The following GOT1L1 variants were observed in gnomAD, a reference collection of about 807,000 sequenced individuals.
GOT1L1 encodes the protein aspartate aminotransferase, cytoplasmic 2.
A neutral mutation model predicts 43.6 loss-of-function variants in GOT1L1; 38 were observed. The ratio of observed to expected loss-of-function variants is 0.87; its 90% confidence interval spans 0.67 to 1.14. GOT1L1 has a LOEUF of 1.14. Ranked by LOEUF, GOT1L1 falls within the 50% of genes most tolerant of loss-of-function variation. The pLI is 0.00. For synonymous variants in GOT1L1, 183 were observed against 187.2 expected (o/e 0.98, Z 0.18); for missense variants, 482 against 504.0 (o/e 0.96, Z 0.42).
At chr8:37,938,625 C>T (rs531833091) in intron 2 of GOT1L1, 75 bp downstream of exon 2, 8 of 1,372,816 alleles carry the variant, frequency 5.8e-6, no homozygotes, top group South Asian at 3.0e-5. Flanking sequence ...AGGTCCCCTT[C>T]GGGTTTAAGG....
intron 1 of GOT1L1, 126 bp downstream of exon 1, chr8:37,939,789 C>A: frequency 2.2e-6 from 2 of 899,808 alleles, no homozygotes; most frequent in Non-Finnish European, 3.3e-6. Context: ...ATTCTGTTAA[C>A]AAGAAAAGAT....
chr8:37,937,411 G>A (rs1238430772), intron 3 of GOT1L1, 25 bp from the exon 4 acceptor site: 2 of 1,453,062 alleles, frequency 1.4e-6, no homozygotes, highest in African/African-American at 2.8e-5. Context: ...CCCCCCACTA[G>A]CTGGTACATG....
chr8:37,935,622 C>A, intron 7 of GOT1L1, 82 bp downstream of exon 7: 1 of 1,285,830 alleles, frequency 7.8e-7, no homozygotes, highest in South Asian at 1.7e-5. Context: ...GAGAGAAGCA[C>A]CCTGCCGAAT....
Position 37,934,403 on chromosome 8 carries a change from T to G in GOT1L1, c.1156A>C (p.Asn386His). Residue 386 changes from asparagine to histidine, a missense_variant, in exon 9 of 9, where the codon AAC (asparagine) becomes CAC (histidine). Asn to His is a moderately conservative substitution (Grantham distance 68, BLOSUM62 1). Coordinates refer to ENST00000307599, the MANE Select transcript of GOT1L1 (RefSeq NM_152413.3). ...GQINFSCINA[N>H]NINYITEGIN... Reference sequence around the variant, plus strand: ...CCCTCAGTGATGTAATTTATGTTGTTGGCATTGATACAGCTGAAGTTAATC... The same window carrying G: ...CCCTCAGTGATGTAATTTATGTTGTGGGCATTGATACAGCTGAAGTTAATC... 6.2e-7 allele frequency: 1 copy of G among 1,613,660 alleles called. No individual in the cohort carries two copies. Among genetic ancestry groups the G allele is most frequent in the Non-Finnish European group, 8.5e-7 (1 of 1,179,598 alleles).
At position 37,935,813 on chromosome 8, in the gene GOT1L1, C is replaced by T. The variant is rs1358235918; in HGVS notation, c.820G>A (p.Val274Ile). Reference protein sequence around the residue: ...VAVNNQQLLCVLSQLEGLAQA... With the variant: ...VAVNNQQLLCILSQLEGLAQA... ...GCTAATCCTTCCAGCTGGGAGAGGACACACAGCAGCTGCTGGTTGTTGACT... is the reference window on the plus strand; with the variant it reads ...GCTAATCCTTCCAGCTGGGAGAGGATACACAGCAGCTGCTGGTTGTTGACT... Residue 274 changes from valine to isoleucine, a missense_variant, in exon 7 of 9, where the codon GTC becomes ATC. Transcript: ENST00000307599. The T allele has an allele frequency of 1.9e-6, 3 of 1,613,120 alleles. No homozygotes were observed. The highest frequency in any genetic ancestry group is 2.2e-5 in the South Asian group (2 of 90,872).
At chr8:37,939,429 A>ATAT (rs1554537556) in intron 1 of GOT1L1, among the ~76,000 whole-genome samples, 6 of 52,732 alleles carry the variant, frequency 1.1e-4, no homozygotes, top group African/African-American at 1.5e-4. Flanking sequence ...AAAAAAAAAA[A>ATAT]AAATATATAT....
intron 3 of GOT1L1, 69 bp from the exon 4 acceptor site, chr8:37,937,455 T>C (rs1247776606): frequency 8.7e-7 from 1 of 1,145,648 alleles, no homozygotes; most frequent in Non-Finnish European, 1.3e-6. Context: ...GGTACTGGAG[T>C]GTGGGGCTGA....
chr8:37,938,783 G>A lies in GOT1L1; in HGVS notation c.214C>T (p.Pro72Ser). Residue 72 changes from proline to serine, a missense_variant, in exon 2 of 9, where the codon CCC (proline) becomes TCC (serine). Physicochemically the swap from Pro to Ser is moderately conservative, Grantham distance 74. Transcript: ENST00000307599. ...ATGAATGATTTCAGGCCCATGGTGG[G>A]CAAGTACTCATAATTCAGGGAGGGA... is the stretch of plus-strand genomic sequence containing the variant. ...QDPSLNYEYL[P>S]TMGLKSFIQA... is the part of the protein sequence containing the mutation. 1.2e-6 allele frequency: 2 copies of A among 1,612,916 alleles called. No homozygotes were observed. Among genetic ancestry groups the A allele is most frequent in the Non-Finnish European group, 8.5e-7 (1 of 1,179,426 alleles).
chr8:37,939,458 ATATATATATATATATG>A (rs1563389777), intron 1 of GOT1L1, among the ~76,000 whole-genome samples: 1 of 120,902 alleles, frequency 8.3e-6, no homozygotes, highest in African/African-American at 2.9e-5. Context: ...ATATATATAT[ATATATATATATATATG>A]CAAAATGAGA....
intron 8 of GOT1L1, 142 bp from the exon 9 acceptor site, chr8:37,934,628 T>C: frequency 1.5e-6 from 1 of 689,218 alleles, no homozygotes; most frequent in Non-Finnish European, 2.5e-6. Flanking sequence ...TGGAGTTCAA[T>C]GGTGCAATCT....
In GOT1L1 at chr8:37,935,889, G is replaced by A. The variant is rs1177764208; in HGVS notation, c.764-20C>T. The A allele has an allele frequency of 1.5e-5, 24 of 1,603,666 alleles. No individual in the cohort carries two copies. Among genetic ancestry groups the A allele is most frequent in the Non-Finnish European group, 2.0e-5 (24 of 1,175,664 alleles). On this transcript the variant is annotated intron_variant, in intron 6 of 8. Coordinates refer to ENST00000307599, the MANE Select transcript of GOT1L1 (RefSeq NM_152413.3). ...CTTCATCTGCAGTGTTGGGAAGACA[G>A]CCTCAGCCTCAGCCCCTTCCTCCAC...
chr8:37,934,543 G>T, intron 8 of GOT1L1, 57 bp from the exon 9 acceptor site: 1 of 1,224,638 alleles, frequency 8.2e-7, no homozygotes, highest in Non-Finnish European at 1.2e-6. Context: ...TTCTCCTCTA[G>T]CCCAGGCTGG....
chr8:37,937,152 CATTGAAGGGCCAGGCAA>C (rs1197446992), intron 4 of GOT1L1, 95 bp from the exon 5 acceptor site: 5 of 1,324,280 alleles, frequency 3.8e-6, no homozygotes, highest in Non-Finnish European at 5.4e-6. Flanking sequence ...TGTTAGTTAC[CATTGAAGGGCCAGGCAA>C]ATTCAAACCT....
intron 2 of GOT1L1, 37 bp downstream of exon 2, chr8:37,938,663 G>C: frequency 6.6e-7 from 1 of 1,524,850 alleles, no homozygotes; most frequent in Non-Finnish European, 8.8e-7. Context: ...GCCACTCTCT[G>C]TGTCTAAATG....
In GOT1L1 at chr8:37,935,054, C is replaced by T; in HGVS notation, c.1072+19G>A. The T allele has an allele frequency of 6.2e-7, 1 of 1,613,086 alleles. No homozygotes were observed. The highest frequency in any genetic ancestry group is 8.5e-7 in the Non-Finnish European group (1 of 1,179,300). ...GCCAAAGGTCAGAAAGGGGGGACAC[C>T]AGCCCCCTAGACCCTTACAGTTGAG... is the stretch of plus-strand genomic sequence containing the variant. On this transcript the variant is annotated intron_variant, in intron 8 of 8. Transcript: ENST00000307599.
At chr8:37,938,124 G>A (rs551399716) in intron 2 of GOT1L1, among the ~76,000 whole-genome samples, 1 of 152,230 alleles carries the variant, frequency 6.6e-6, no homozygotes, top group Admixed American at 6.6e-5. Flanking sequence ...GAGGCGAGAC[G>A]CAGTAGCTCA....
intron 8 of GOT1L1, 51 bp downstream of exon 8, chr8:37,935,022 A>T: frequency 6.2e-7 from 1 of 1,603,352 alleles, no homozygotes; most frequent in Non-Finnish European, 8.5e-7. Context: ...TTAATGCTCA[A>T]ATACAGGCCA....
chr8:37,936,889 C>A lies in GOT1L1; in HGVS notation c.613-19G>T, dbSNP rs1252482637. The A allele has an allele frequency of 6.2e-7, 1 of 1,610,850 alleles. No individual in the cohort carries two copies. The highest frequency in any genetic ancestry group is 1.1e-5 in the South Asian group (1 of 90,902). ...GCTTGCTCTGTAGGAGAAAGGAGAA[C>A]AAAAAAAGAATGAGACAGATGGAGG... On this transcript the variant is annotated intron_variant, in intron 5 of 8. Coordinates refer to ENST00000307599, the MANE Select transcript of GOT1L1 (RefSeq NM_152413.3).
At chr8:37,937,801 T>A in intron 2 of GOT1L1, 52 bp from the exon 3 acceptor site, 1 of 1,264,694 alleles carries the variant, frequency 7.9e-7, no homozygotes, top group Non-Finnish European at 1.1e-6. Context: ...CTCACACCTG[T>A]AATTCCAGCA....
Sources: allele counts gnomAD v4.1 joint callset (sites outside exome capture counted in the v4.1 genomes callset), GRCh38; gene constraint gnomAD v4.1.1; transcripts MANE v1.5; gene names NCBI Gene and HGNC (gene_info 2026-07-23, HGNC 2026-07-21).